The following NMNAT2 variants were observed in gnomAD, a reference collection of about 807,000 sequenced individuals.
NMNAT2 encodes nicotinamide/nicotinic acid mononucleotide adenylyltransferase 2.
In NMNAT2, 11 loss-of-function variants were observed where a neutral mutation model predicts 41.6. The observed-to-expected ratio is 0.26, with a 90% CI of 0.17 to 0.44. The LOEUF (loss-of-function observed/expected upper bound fraction) is 0.44, where lower values mean the gene tolerates loss of function less well. Among genes scored for constraint, NMNAT2 ranks in the 20% least tolerant of loss-of-function variants. NMNAT2 has a pLI of 1.00. For missense variants in NMNAT2, 288 were observed against 407.7 expected, an observed-to-expected ratio of 0.71 and a Z score of 2.53; for synonymous variants, 148 against 151.2, an observed-to-expected ratio of 0.98 and a Z score of 0.16.
rs55925461 is a variant in NMNAT2 at position 183,369,263 on chromosome 1, C to CTTT, written c.85+48917_85+48919dup. 3.5e-4 allele frequency among the ~76,000 whole-genome samples: 49 copies of CTTT among 140,100 alleles called. No individual in the cohort carries two copies. The East Asian group carries it at 8.9e-3, about 25-fold the overall frequency. The allele number at this position is 140,100 out of a possible 152,430, so 91.9% of individuals were successfully genotyped here. On this transcript the variant is annotated intron_variant, in intron 1 of 10. Transcript: ENST00000287713. ...ATTCTTTTTTTTTTTCTTTTCTTTT[C>CTTT]TTTTTTTTTTTTTATTATTTATTTA...
chr1:183,362,729 A>G (rs1663332015), intron 1 of NMNAT2, among the ~76,000 whole-genome samples: 1 of 152,168 alleles, frequency 6.6e-6, no homozygotes, highest in South Asian at 2.1e-4. Flanking sequence ...TGTAAACATC[A>G]TGTACGAGTT....
In NMNAT2 at chr1:183,400,306, A is replaced by G. The variant is rs1013261172; in HGVS notation, c.85+17877T>C. On this transcript the variant is annotated intron_variant, in intron 1 of 10. Transcript: ENST00000287713. ...AGAGCCAAATCATGAGTGAACTCCC[A>G]TTCACAATTGCTTCAAAGAGAATAA... 7.8e-4 allele frequency among the ~76,000 whole-genome samples: 119 copies of G among 152,214 alleles called. 1 individual carries two copies. The highest frequency in any genetic ancestry group is 3.5e-4 in the Non-Finnish European group (24 of 68,038).
chr1:183,297,774 A>G (rs1162240659), intron 1 of NMNAT2, among the ~76,000 whole-genome samples: 4 of 152,244 alleles, frequency 2.6e-5, no homozygotes, highest in Admixed American at 2.6e-4. Context: ...ACTACAGGCC[A>G]ATATCCTTTA....
At chr1:183,359,423 C>G (rs1266405959) in intron 1 of NMNAT2, among the ~76,000 whole-genome samples, 1 of 152,148 alleles carries the variant, frequency 6.6e-6, no homozygotes, top group African/African-American at 2.4e-5. Context: ...TGTGAACCAC[C>G]AGATTCTCAC....
intron 1 of NMNAT2, among the ~76,000 whole-genome samples, chr1:183,370,782 C>G (rs74129756): frequency 0.013 from 1,910 of 152,294 alleles, 32 homozygotes; most frequent in African/African-American, 0.044. Flanking sequence ...TGGTGGGCTC[C>G]CAGTAACACT....
chr1:183,306,104 A>G (rs1661988041), intron 1 of NMNAT2, among the ~76,000 whole-genome samples: 1 of 152,100 alleles, frequency 6.6e-6, no homozygotes, highest in South Asian at 2.1e-4. Context: ...GTTCCCTTCT[A>G]GGGAACCAGC....
intron 1 of NMNAT2, among the ~76,000 whole-genome samples, chr1:183,380,686 T>G (rs1328288306): frequency 6.6e-6 from 1 of 151,918 alleles, no homozygotes; most frequent in East Asian, 1.9e-4. Flanking sequence ...ATTTAAAAAA[T>G]GGAAATTCGA....
In NMNAT2 at chr1:183,256,878, A is replaced by G. The variant is rs565523763; in HGVS notation, c.821+4124T>C. Among the ~76,000 whole-genome samples, 5 of 152,092 alleles carry G rather than the reference A, an allele frequency of 3.3e-5. No individual in the cohort carries two copies. In the East Asian group the frequency reaches 5.8e-4, roughly 18 times the overall value. On this transcript the variant is annotated intron_variant, in intron 10 of 10. Transcript: ENST00000287713. Reference sequence around the variant, plus strand: ...GTGATTCTTCTGCCTCAGCCTCCCAAGTAGCTGGGATTACAGTCACGTGCC... The same window carrying G: ...GTGATTCTTCTGCCTCAGCCTCCCAGGTAGCTGGGATTACAGTCACGTGCC...
intron 1 of NMNAT2, among the ~76,000 whole-genome samples, chr1:183,374,391 A>T (rs187549567): frequency 1.3e-5 from 2 of 152,324 alleles, no homozygotes; most frequent in East Asian, 3.9e-4. Context: ...CCCCGTCAAG[A>T]AGAGCCTTTC....
chr1:183,333,485 AAGG>A (rs1296455653), intron 1 of NMNAT2, among the ~76,000 whole-genome samples: 1 of 152,140 alleles, frequency 6.6e-6, no homozygotes, highest in Non-Finnish European at 1.5e-5. Flanking sequence ...AGAGTCAGAG[AAGG>A]AGATGTGAGG....
intron 1 of NMNAT2, among the ~76,000 whole-genome samples, chr1:183,390,316 C>T (rs1327512664): frequency 3.3e-5 from 5 of 152,152 alleles, no homozygotes; most frequent in African/African-American, 9.7e-5. Context: ...TGTCAACAGT[C>T]AAAGTTACCT....
intron 7 of NMNAT2, 189 bp from the exon 8 acceptor site, chr1:183,278,818 C>T (rs184080158): frequency 7.7e-4 from 439 of 571,768 alleles, no homozygotes; most frequent in Middle Eastern, 5.2e-3. Context: ...TCCTCGGGCT[C>T]ATTTCCAGAC....
chr1:183,316,798 A>G (rs2102327712), intron 1 of NMNAT2, among the ~76,000 whole-genome samples: 1 of 152,190 alleles, frequency 6.6e-6, no homozygotes, highest in East Asian at 1.9e-4. Context: ...AGGGAATATT[A>G]TTCACTAGGT....
intron 1 of NMNAT2, among the ~76,000 whole-genome samples, chr1:183,317,941 G>A (rs914516633): frequency 6.6e-6 from 1 of 152,228 alleles, no homozygotes; most frequent in African/African-American, 2.4e-5. Context: ...CACAGGTGGT[G>A]CACCCACTGT....
At position 183,321,681 on chromosome 1, in the gene NMNAT2, G is replaced by T. The variant is rs112827268; in HGVS notation, c.86-27888C>A. On this transcript the variant is annotated intron_variant, in intron 1 of 10. Coordinates refer to ENST00000287713, the MANE Select transcript of NMNAT2 (RefSeq NM_015039.4). ...AGCTTGAACCTGGGAGGTAGAGATTGCAAGATTGTGCCACTGCACTTCAGC... is the reference window on the plus strand; with the variant it reads ...AGCTTGAACCTGGGAGGTAGAGATTTCAAGATTGTGCCACTGCACTTCAGC... Among the ~76,000 whole-genome samples the T allele has an allele frequency of 1.3e-3, 204 of 152,040 alleles. 1 individual carries two copies. The highest frequency in any genetic ancestry group is 1.9e-3 in the Non-Finnish European group (130 of 67,966).
chr1:183,357,514 C>A (rs1447711365), intron 1 of NMNAT2, among the ~76,000 whole-genome samples: 1 of 152,094 alleles, frequency 6.6e-6, no homozygotes, highest in Non-Finnish European at 1.5e-5. Context: ...CAGGTGTGAG[C>A]CACCACGCCC....
At chr1:183,292,962 G>A (rs1032652928) in intron 2 of NMNAT2, 105 bp from the exon 3 acceptor site, 2 of 1,009,556 alleles carry the variant, frequency 2.0e-6, no homozygotes, top group Non-Finnish European at 1.5e-6. Flanking sequence ...CCATTTTTCA[G>A]TGGTGAGAGG....
At chr1:183,390,233 C>CA (rs1250160039) in intron 1 of NMNAT2, among the ~76,000 whole-genome samples, 1 of 152,126 alleles carries the variant, frequency 6.6e-6, no homozygotes, top group East Asian at 1.9e-4. Flanking sequence ...CCCATGGTAC[C>CA]AGTCAGCCTT....
chr1:183,281,608 A>C (rs951426118), intron 7 of NMNAT2, among the ~76,000 whole-genome samples: 2 of 152,220 alleles, frequency 1.3e-5, no homozygotes, highest in African/African-American at 4.8e-5. Context: ...CATTTAAGTC[A>C]GACAAGCGGC....
Sources: allele counts gnomAD v4.1 joint callset (sites outside exome capture counted in the v4.1 genomes callset), GRCh38; gene constraint gnomAD v4.1.1; transcripts MANE v1.5; gene names NCBI Gene and HGNC (gene_info 2026-07-23, HGNC 2026-07-21).